The following RHOA variants were observed in gnomAD, a reference collection of about 807,000 sequenced individuals.
RHOA encodes ras homolog family member A.
In RHOA, 3 loss-of-function variants were observed where a neutral mutation model predicts 17.5. That is an observed-to-expected ratio of 0.17 (90% CI 0.08 to 0.44). RHOA has a LOEUF of 0.44. RHOA is among the 20% of genes least tolerant of loss of function. The probability of loss-of-function intolerance (pLI) is 0.99; values close to 1 mark genes in which losing one functional copy is unlikely to be tolerated. For missense variants in RHOA, 56 were observed against 242.3 expected (o/e 0.23, Z 5.10); for synonymous variants, 98 against 88.4 (o/e 1.11, Z -0.61).
chr3:49,407,239 T>TG (rs1285645925), intron 1 of RHOA, among the ~76,000 whole-genome samples: 4 of 137,376 alleles, frequency 2.9e-5, no homozygotes, highest in Non-Finnish European at 6.4e-5. Context: ...TCCGTTTTTT[T>TG]TTTTTTTTTT....
intron 1 of RHOA, among the ~76,000 whole-genome samples, chr3:49,397,653 A>G (rs1448224517): frequency 6.6e-6 from 1 of 152,162 alleles, no homozygotes; most frequent in Non-Finnish European, 1.5e-5. Flanking sequence ...TGGGGTATTA[A>G]GATCTGACCA....
intron 1 of RHOA, among the ~76,000 whole-genome samples, chr3:49,385,211 G>GC (rs1432754646): frequency 6.7e-6 from 1 of 149,844 alleles, no homozygotes; most frequent in Non-Finnish European, 1.5e-5. Context: ...CTGGTCCATT[G>GC]CCCCCCTACC....
Position 49,407,297 on chromosome 3 carries a change from G to A in RHOA, c.-3+4523C>T, listed in dbSNP as rs550121146. On this transcript the variant is annotated intron_variant, in intron 1 of 4. Coordinates refer to ENST00000418115, the MANE Select transcript of RHOA (RefSeq NM_001664.4). ...CTCCCAGGCTGGAGTGCAATGGCTC[G>A]ATCTCTGCTCACAGCAACCTCCGCC... Among the ~76,000 whole-genome samples the A allele has an allele frequency of 8.5e-5, 10 of 117,814 alleles. No homozygotes were observed. The South Asian group carries it at 2.1e-3, about 24-fold the overall frequency. The allele number at this position is 117,814 out of a possible 152,430, so 77.3% of individuals were successfully genotyped here.
intron 1 of RHOA, among the ~76,000 whole-genome samples, chr3:49,392,369 T>C (rs1019340070): frequency 6.6e-6 from 1 of 151,968 alleles, no homozygotes; most frequent in Non-Finnish European, 1.5e-5. Flanking sequence ...CTTCAGCCAG[T>C]AGGTAAAGTC....
Position 49,360,326 on chromosome 3 carries a change from C to A in RHOA, c.465G>T (p.Gly155=). Residue 155 remains glycine (G), a synonymous_variant, in exon 5 of 5, where the codon GGG becomes GGT. Coordinates refer to ENST00000418115, the MANE Select transcript of RHOA (RefSeq NM_001664.4). ...TGGTCTTTGCTGAACACTCCATGTACCCAAAAGCGCCAATCCTGTTTGCCA... is the reference window on the plus strand; with the variant it reads ...TGGTCTTTGCTGAACACTCCATGTAACCAAAAGCGCCAATCCTGTTTGCCA... ...RDMANRIGAF[G]YMECSAKTKD... The A allele has an allele frequency of 6.2e-7, 1 of 1,614,060 alleles. No homozygotes were observed. Among genetic ancestry groups the A allele is most frequent in the Non-Finnish European group, 8.5e-7 (1 of 1,179,994 alleles).
chr3:49,389,279 C>T (rs1247002297), intron 1 of RHOA, among the ~76,000 whole-genome samples: 2 of 151,692 alleles, frequency 1.3e-5, no homozygotes, highest in African/African-American at 4.8e-5. Context: ...TGTGACATTG[C>T]GCTCCAGCCT....
chr3:49,408,451 G>A (rs1432721875), intron 1 of RHOA, among the ~76,000 whole-genome samples: 2 of 152,128 alleles, frequency 1.3e-5, no homozygotes, highest in African/African-American at 2.4e-5. Flanking sequence ...GTATTTGGAT[G>A]AAGCATCAAT....
intron 1 of RHOA, among the ~76,000 whole-genome samples, chr3:49,405,133 C>G (rs1294704830): frequency 6.7e-6 from 1 of 149,476 alleles, no homozygotes; most frequent in Non-Finnish European, 1.5e-5. Flanking sequence ...TGGCGGGCAC[C>G]TGTAGTCTCA....
chr3:49,389,582 A>C (rs1038874531), intron 1 of RHOA, among the ~76,000 whole-genome samples: 1 of 152,186 alleles, frequency 6.6e-6, no homozygotes, highest in Admixed American at 6.6e-5. Flanking sequence ...TACTTCTTAC[A>C]GCAGTGAACA....
intron 1 of RHOA, among the ~76,000 whole-genome samples, chr3:49,390,768 A>C (rs879804031): frequency 6.6e-6 from 1 of 152,162 alleles, no homozygotes; most frequent in Non-Finnish European, 1.5e-5. Context: ...AAAAGGTAAA[A>C]GGCGTCATGG....
At chr3:49,360,946 G>A (rs757017640) in intron 4 of RHOA, 15 of 363,546 alleles carry the variant, frequency 4.1e-5, no homozygotes, top group Admixed American at 6.8e-5. Context: ...GGTAGTGGGC[G>A]CCTGTAACCC....
At chr3:49,387,208 G>A (rs1247577726) in intron 1 of RHOA, among the ~76,000 whole-genome samples, 2 of 148,530 alleles carry the variant, frequency 1.3e-5, no homozygotes, top group Non-Finnish European at 3.0e-5. Flanking sequence ...ACTTTGGGAG[G>A]CCGAGGCGGG....
intron 1 of RHOA, among the ~76,000 whole-genome samples, chr3:49,393,729 T>TGA (rs1259094624): frequency 0.018 from 2,490 of 136,460 alleles, 80 homozygotes; most frequent in Non-Finnish European, 0.025. Context: ...TGTGTGTGTG[T>TGA]GACAGAATCT....
At chr3:49,406,287 T>C (rs1331326905) in intron 1 of RHOA, among the ~76,000 whole-genome samples, 1 of 152,116 alleles carries the variant, frequency 6.6e-6, no homozygotes, top group Non-Finnish European at 1.5e-5. Flanking sequence ...TCTAGGTCCA[T>C]GGAAGAGACA....
In RHOA at chr3:49,382,556, A is replaced by C. The variant is rs115969389; in HGVS notation, c.-2-6965T>G. Among the ~76,000 whole-genome samples, 310 of 152,188 alleles carry C rather than the reference A, an allele frequency of 2.0e-3. 2 individuals carry two copies. Among genetic ancestry groups the C allele is most frequent in the Middle Eastern group, 0.01 (3 of 294 alleles). On this transcript the variant is annotated intron_variant, in intron 1 of 4. Transcript: ENST00000418115. ...GAGGCTAAGATGGGAGGATCACTTG[A>C]GTACAGGAGGCAGAGGTTGCAGTGA...
chr3:49,380,439 G>T (rs181809369), intron 1 of RHOA, among the ~76,000 whole-genome samples: 72 of 152,238 alleles, frequency 4.7e-4, no homozygotes, highest in Non-Finnish European at 7.4e-5. Flanking sequence ...TGGGCATGGT[G>T]ATTCACGCCT....
Position 49,359,659 on chromosome 3 carries a change from A to G in RHOA, c.*550T>C, listed in dbSNP as rs781072946. 1 of 214,164 alleles carries G rather than the reference A, an allele frequency of 4.7e-6. No individual in the cohort carries two copies. Among genetic ancestry groups the G allele is most frequent in the Non-Finnish European group, 9.4e-6 (1 of 105,840 alleles). The allele number at this position is 214,164 out of a possible 1,614,324, so 13.3% of individuals were successfully genotyped here. ...TTGGTAACATACATTAAGTGGCACTAATTACACAGTAACTATAAGGTAACT... is the reference window on the plus strand; with the variant it reads ...TTGGTAACATACATTAAGTGGCACTGATTACACAGTAACTATAAGGTAACT... On this transcript the variant is annotated 3_prime_UTR_variant, in exon 5 of 5. Transcript: ENST00000418115.
At chr3:49,387,074 G>T (rs1266922940) in intron 1 of RHOA, among the ~76,000 whole-genome samples, 4 of 128,896 alleles carry the variant, frequency 3.1e-5, no homozygotes, top group Non-Finnish European at 4.8e-5. Flanking sequence ...CCGAGATCAC[G>T]CCATTCCACT....
intron 1 of RHOA, chr3:49,406,705 G>A (rs1445001363): frequency 6.6e-6 from 1 of 152,058 alleles, no homozygotes; most frequent in African/African-American, 2.4e-5. Flanking sequence ...AGAATCGCTT[G>A]ACTCACATCT....
Sources: allele counts gnomAD v4.1 joint callset (sites outside exome capture counted in the v4.1 genomes callset), GRCh38; gene constraint gnomAD v4.1.1; transcripts MANE v1.5; gene names NCBI Gene and HGNC (gene_info 2026-07-23, HGNC 2026-07-21).